Variants in LINGO2 observed in about 807,000 individuals in gnomAD.
LINGO2 encodes leucine-rich repeat and immunoglobulin-like domain-containing nogo receptor-interacting protein 2.
A neutral mutation model predicts 30.6 loss-of-function variants in LINGO2; 14 were observed. The ratio of observed to expected loss-of-function variants is 0.46; its 90% CI spans 0.30 to 0.72. LINGO2 has a LOEUF of 0.72. Ranked by LOEUF, LINGO2 falls within the 30% of genes least tolerant of loss-of-function variation. The pLI, the probability that LINGO2 is intolerant of heterozygous loss-of-function variation, is 0.07. For missense variants in LINGO2, 729 were observed against 751.7 expected (o/e 0.97, Z 0.35); for synonymous variants, 317 against 288.5 (o/e 1.10, Z -1.00).
intron 4 of LINGO2, among the ~76,000 whole-genome samples, chr9:28,038,267 C>G (rs1390121978): frequency 6.6e-6 from 1 of 152,040 alleles, no homozygotes; most frequent in Non-Finnish European, 1.5e-5. Flanking sequence ...AAGAAAACCA[C>G]TATGAGACCA....
At chr9:28,285,924 T>A (rs1227671449) in intron 4 of LINGO2, among the ~76,000 whole-genome samples, 1 of 152,138 alleles carries the variant, frequency 6.6e-6, no homozygotes, top group South Asian at 2.1e-4. Flanking sequence ...TTTCTCCCAA[T>A]ATATGAGACT....
chr9:28,000,283 A>AT (rs1233131198), intron 5 of LINGO2, among the ~76,000 whole-genome samples: 1 of 152,204 alleles, frequency 6.6e-6, no homozygotes, highest in East Asian at 1.9e-4. Context: ...CTGAAAGAAC[A>AT]TTATAAAGGA....
chr9:28,015,657 T>A (rs2119301748), intron 4 of LINGO2, among the ~76,000 whole-genome samples: 1 of 152,242 alleles, frequency 6.6e-6, no homozygotes, highest in South Asian at 2.1e-4. Context: ...AGGGTAATGA[T>A]GCCAAGGATA....
At chr9:29,090,314 CTGTTCAAA>C in the LINGO2 span, among the ~76,000 whole-genome samples, 1 of 151,958 alleles carries the variant, frequency 6.6e-6, no homozygotes, top group East Asian at 1.9e-4. Context: ...GTATAAAGTC[CTGTTCAAA>C]TGTTCCTCTT....
the LINGO2 span, among the ~76,000 whole-genome samples, chr9:29,061,842 A>G: frequency 6.6e-6 from 1 of 152,080 alleles, no homozygotes; most frequent in Non-Finnish European, 1.5e-5. Context: ...TAATCAAAAT[A>G]AACAGTTGTG....
At chr9:28,254,393 C>A (rs1452828590) in intron 4 of LINGO2, among the ~76,000 whole-genome samples, 1 of 152,050 alleles carries the variant, frequency 6.6e-6, no homozygotes, top group East Asian at 1.9e-4. Flanking sequence ...CACGCTCTCT[C>A]AACTATTTCT....
At chr9:29,181,578 C>A in the LINGO2 span, among the ~76,000 whole-genome samples, 1 of 152,088 alleles carries the variant, frequency 6.6e-6, no homozygotes, top group Non-Finnish European at 1.5e-5. Context: ...TGAAAGGATT[C>A]TTTGAGTTTA....
At chr9:29,062,763 A>G in the LINGO2 span, among the ~76,000 whole-genome samples, 6 of 147,952 alleles carry the variant, frequency 4.1e-5, no homozygotes, top group East Asian at 1.2e-3. Flanking sequence ...GATAGTGATG[A>G]TGGTTGCATA....
chr9:28,420,804 A>G (rs184805898), intron 2 of LINGO2, among the ~76,000 whole-genome samples: 70 of 152,218 alleles, frequency 4.6e-4, no homozygotes, highest in African/African-American at 1.7e-3. Context: ...CTGTATCATA[A>G]CATTTATGGA....
chr9:28,257,212 T>C (rs1202981146), intron 4 of LINGO2, among the ~76,000 whole-genome samples: 2 of 151,918 alleles, frequency 1.3e-5, no homozygotes, highest in Non-Finnish European at 2.9e-5. Flanking sequence ...TGATTTTAAA[T>C]GTCCAAATAG....
At chr9:28,060,229 G>A (rs559373635) in intron 4 of LINGO2, among the ~76,000 whole-genome samples, 11 of 152,100 alleles carry the variant, frequency 7.2e-5, no homozygotes, top group African/African-American at 2.7e-4. Flanking sequence ...GGAATTAGAG[G>A]CAAACAGTTG....
At chr9:28,229,048 A>C (rs1369933624) in intron 4 of LINGO2, among the ~76,000 whole-genome samples, 1 of 151,860 alleles carries the variant, frequency 6.6e-6, no homozygotes, top group Admixed American at 6.6e-5. Context: ...TCATGGATAC[A>C]CACTAAAACC....
intron 1 of LINGO2, among the ~76,000 whole-genome samples, chr9:28,512,898 T>A (rs920872813): frequency 6.6e-6 from 1 of 151,654 alleles, no homozygotes; most frequent in Non-Finnish European, 1.5e-5. Flanking sequence ...TTTTCATGTT[T>A]TTCTGCCTGC....
chr9:28,653,293 G>A (rs754877267), intron 1 of LINGO2, among the ~76,000 whole-genome samples: 1 of 152,112 alleles, frequency 6.6e-6, no homozygotes, highest in Non-Finnish European at 1.5e-5. Flanking sequence ...ACCACCTGGA[G>A]CTAGGGGCCT....
At chr9:28,890,768 A>G in the LINGO2 span, among the ~76,000 whole-genome samples, 1 of 152,108 alleles carries the variant, frequency 6.6e-6, no homozygotes, top group Non-Finnish European at 1.5e-5. Flanking sequence ...AGAATCCTTG[A>G]AATAGCCTAA....
chr9:28,848,391 G>A, the LINGO2 span, among the ~76,000 whole-genome samples: 287 of 54,914 alleles, frequency 5.2e-3, 1 homozygote, highest in Non-Finnish European at 6.9e-3. Context: ...GTGTGTGTGT[G>A]TGTGTGTATA....
rs144308690 is a variant in LINGO2 at position 28,524,748 on chromosome 9, G to A, written c.-364-48723C>T. Among the ~76,000 whole-genome samples, 687 of 152,200 alleles carry A rather than the reference G, an allele frequency of 4.5e-3. 6 individuals carry two copies. The highest frequency in any genetic ancestry group is 0.015 in the African/African-American group (641 of 41,514). On this transcript the variant is annotated intron_variant, in intron 1 of 5. Transcript: ENST00000379992. ...AGCCTGGGCAACAGAGCAAGACTCC[G>A]TCTCAAAATAAATAAACAAATAAAT... is the stretch of plus-strand genomic sequence containing the variant.
intron 4 of LINGO2, among the ~76,000 whole-genome samples, chr9:28,271,417 T>C (rs183337376): frequency 3.3e-5 from 5 of 152,014 alleles, no homozygotes; most frequent in Admixed American, 2.6e-4. Flanking sequence ...AGTGAAAACA[T>C]ACAGAGCTTT....
At chr9:28,661,139 C>A (rs531178963) in intron 1 of LINGO2, among the ~76,000 whole-genome samples, 1 of 150,394 alleles carries the variant, frequency 6.6e-6, no homozygotes, top group Non-Finnish European at 1.5e-5. Context: ...CAATAAGATG[C>A]AGAAAAATAT....
Sources: gnomAD v4.1 joint callset for allele counts (sites outside exome capture counted in the v4.1 genomes callset) on GRCh38, gnomAD v4.1.1 for gene constraint, MANE v1.5 for transcripts, NCBI Gene and HGNC (gene_info 2026-07-23, HGNC 2026-07-21) for gene names.